The following NAALADL2 variants were observed in gnomAD, a reference collection of about 807,000 sequenced individuals.
NAALADL2 encodes the protein N-acetylated alpha-linked acidic dipeptidase like 2.
In NAALADL2, 76 loss-of-function variants were observed where a neutral mutation model predicts 87.2. The ratio of observed to expected loss-of-function variants is 0.87; its 90% CI spans 0.72 to 1.05. NAALADL2 has a LOEUF of 1.05. Among genes scored for constraint, NAALADL2 ranks in the 50% least tolerant of loss-of-function variants. The probability of loss-of-function intolerance (pLI) is 0.00; values close to 1 mark genes in which losing one functional copy is unlikely to be tolerated. For synonymous variants in NAALADL2, 354 were observed against 331.0 expected, an observed-to-expected ratio of 1.07 and a Z score of -0.75; for missense variants, 1,089 against 945.8, an observed-to-expected ratio of 1.15 and a Z score of -1.99.
At chr3:174,519,435 T>G (rs891172970) in intron 1 of NAALADL2, among the ~76,000 whole-genome samples, 3 of 151,854 alleles carry the variant, frequency 2.0e-5, no homozygotes, top group Non-Finnish European at 2.9e-5. Context: ...TTCAAGTGAT[T>G]CTACTGCCTC....
At chr3:174,671,667 C>T (rs2108802941) in intron 2 of NAALADL2, among the ~76,000 whole-genome samples, 2 of 152,110 alleles carry the variant, frequency 1.3e-5, no homozygotes, top group South Asian at 4.1e-4. Context: ...ATTTCATATC[C>T]CTTTACCCCC....
At chr3:175,217,381 C>T (rs1404214169) in intron 2 of NAALADL2, among the ~76,000 whole-genome samples, 3 of 152,266 alleles carry the variant, frequency 2.0e-5, no homozygotes, top group Non-Finnish European at 2.9e-5. Context: ...GAAGCAACTC[C>T]GCTTTGTACC....
intron 2 of NAALADL2, among the ~76,000 whole-genome samples, chr3:175,112,977 A>G (rs1440739651): frequency 2.6e-5 from 4 of 151,642 alleles, no homozygotes; most frequent in African/African-American, 9.7e-5. Flanking sequence ...AAAGACATGG[A>G]GGTAAGAAAG....
In NAALADL2 at chr3:174,977,464, G is replaced by A. The variant is rs180937298; in HGVS notation, c.43+118014G>A. On this transcript the variant is annotated intron_variant, in intron 1 of 13. Transcript: ENST00000454872. ...TTTTAAAGTGACTTCACCTTTTTCT[G>A]CTTCAAATTCTTCACTATAAATTAG... 2.6e-5 allele frequency among the ~76,000 whole-genome samples: 4 copies of A among 152,254 alleles called. No homozygotes were observed. The East Asian group carries it at 7.7e-4, about 29-fold the overall frequency.
chr3:174,664,288 C>A (rs945960303), intron 2 of NAALADL2, among the ~76,000 whole-genome samples: 1 of 152,168 alleles, frequency 6.6e-6, no homozygotes, highest in African/African-American at 2.4e-5. Flanking sequence ...TAATACCGAA[C>A]AATTAATGGC....
intron 13 of NAALADL2, among the ~76,000 whole-genome samples, chr3:175,785,190 G>T (rs1035201545): frequency 1.3e-5 from 2 of 149,986 alleles, no homozygotes; most frequent in East Asian, 2.0e-4. Flanking sequence ...GTTGATTTGG[G>T]GTGGAGAGTT....
At chr3:174,969,152 T>G (rs568073621) in intron 1 of NAALADL2, among the ~76,000 whole-genome samples, 1 of 152,276 alleles carries the variant, frequency 6.6e-6, no homozygotes, top group Non-Finnish European at 1.5e-5. Flanking sequence ...TTCTTTGAAT[T>G]TATATCCAGT....
chr3:174,790,488 A>G (rs901154981), intron 3 of NAALADL2, among the ~76,000 whole-genome samples: 1 of 151,968 alleles, frequency 6.6e-6, no homozygotes, highest in African/African-American at 2.4e-5. Context: ...TGTCTCTACT[A>G]AAATGCAAAA....
chr3:175,699,710 T>C (rs1014676179), intron 11 of NAALADL2, among the ~76,000 whole-genome samples: 1 of 151,854 alleles, frequency 6.6e-6, no homozygotes, highest in Non-Finnish European at 1.5e-5. Context: ...CACATACAAA[T>C]CAGTATATTT....
intron 2 of NAALADL2, among the ~76,000 whole-genome samples, chr3:174,665,158 T>A (rs1725848995): frequency 6.6e-6 from 1 of 152,152 alleles, no homozygotes; most frequent in Non-Finnish European, 1.5e-5. Flanking sequence ...GAGCCACAAA[T>A]TAAGAGAAGA....
chr3:174,481,559 C>T (rs1717553049), intron 1 of NAALADL2, among the ~76,000 whole-genome samples: 1 of 152,078 alleles, frequency 6.6e-6, no homozygotes, highest in Non-Finnish European at 1.5e-5. Context: ...ATACCACTGC[C>T]ATTGATGCCT....
At chr3:175,060,284 T>G (rs1713148995) in intron 1 of NAALADL2, among the ~76,000 whole-genome samples, 1 of 152,202 alleles carries the variant, frequency 6.6e-6, no homozygotes, top group Admixed American at 6.5e-5. Context: ...CCTATTTCAC[T>G]TATAAACATA....
chr3:174,654,239 G>T (rs949052948), intron 2 of NAALADL2, among the ~76,000 whole-genome samples: 3 of 152,130 alleles, frequency 2.0e-5, no homozygotes, highest in African/African-American at 7.2e-5. Flanking sequence ...GTTAAGGTCT[G>T]AGTGTGTGCC....
intron 3 of NAALADL2, among the ~76,000 whole-genome samples, chr3:174,828,025 G>A (rs1220254424): frequency 6.6e-6 from 1 of 152,000 alleles, no homozygotes; most frequent in African/African-American, 2.4e-5. Context: ...TCTACAAAAA[G>A]TTAAAAATTA....
chr3:175,018,315 A>C (rs1217542953), intron 1 of NAALADL2, among the ~76,000 whole-genome samples: 1 of 152,068 alleles, frequency 6.6e-6, no homozygotes, highest in Non-Finnish European at 1.5e-5. Context: ...GACATCTCTG[A>C]AAGCAGGCAA....
At chr3:175,726,000 A>T (rs1742866101) in intron 11 of NAALADL2, among the ~76,000 whole-genome samples, 1 of 152,158 alleles carries the variant, frequency 6.6e-6, no homozygotes, top group Admixed American at 6.6e-5. Flanking sequence ...ATGTAAAGTT[A>T]GTATCTTGAA....
chr3:175,208,105 T>C (rs1348348098), intron 2 of NAALADL2, among the ~76,000 whole-genome samples: 1 of 152,162 alleles, frequency 6.6e-6, no homozygotes, highest in Non-Finnish European at 1.5e-5. Flanking sequence ...TTCATGTTCC[T>C]CCATCTGACT....
At chr3:175,391,895 T>C (rs961369112) in intron 5 of NAALADL2, among the ~76,000 whole-genome samples, 6 of 152,184 alleles carry the variant, frequency 3.9e-5, no homozygotes, top group Non-Finnish European at 8.8e-5. Context: ...TTGAATAATA[T>C]CAAAATCTAT....
At chr3:175,109,314 C>A (rs1391320681) in intron 2 of NAALADL2, among the ~76,000 whole-genome samples, 3 of 151,746 alleles carry the variant, frequency 2.0e-5, no homozygotes, top group Admixed American at 6.6e-5. Flanking sequence ...CATTAAAGGT[C>A]TCTTTTAATG....
Sources: gnomAD v4.1 joint callset for allele counts (sites outside exome capture counted in the v4.1 genomes callset) on GRCh38, gnomAD v4.1.1 for gene constraint, MANE v1.5 for transcripts, NCBI Gene and HGNC (gene_info 2026-07-23, HGNC 2026-07-21) for gene names.